SGO2: variants seen among roughly 807,000 people sequenced by gnomAD.
The protein encoded by SGO2 is shugoshin-like 2.
Under a neutral mutation model 99.5 loss-of-function variants are expected in SGO2, and 68 were observed. The ratio of observed to expected loss-of-function variants is 0.68; its 90% CI spans 0.56 to 0.84. The LOEUF is 0.84. Ranked by LOEUF, SGO2 falls within the 40% of genes least tolerant of loss-of-function variation. The pLI is 0.00. For missense variants in SGO2, 1,350 were observed against 1,436.7 expected (o/e 0.94, Z 0.97); for synonymous variants, 457 against 487.1 (o/e 0.94, Z 0.81).
chr2:200,578,955 C>T (rs1052968068), intron 8 of SGO2, among the ~76,000 whole-genome samples: 2 of 152,096 alleles, frequency 1.3e-5, no homozygotes, highest in African/African-American at 4.8e-5. Flanking sequence ...AGGTATTTCT[C>T]TTTTATGGGA....
rs542304485 is a variant in SGO2 at position 200,573,010 on chromosome 2, G to A, written c.2664G>A (p.Lys888=). 2 of 1,573,626 alleles carry A rather than the reference G, an allele frequency of 1.3e-6. No individual in the cohort carries two copies. Among genetic ancestry groups the A allele is most frequent in the Non-Finnish European group, 1.7e-6 (2 of 1,166,034 alleles). ...CCCAGAATATATTGGAGTTGAAAAAGTATGTTACTGATAGGAAATCTGCTG... is the reference window on the plus strand; with the variant it reads ...CCCAGAATATATTGGAGTTGAAAAAATATGTTACTGATAGGAAATCTGCTG... ...YDTQNILELK[K]YVTDRKSAEQ... is the part of the protein sequence containing the mutation. Residue 888 remains lysine (K), a synonymous_variant, in exon 7 of 9, where the codon AAG becomes AAA. Transcript: ENST00000357799.
intron 5 of SGO2, chr2:200,543,363 C>G (rs1292575752): frequency 6.6e-6 from 1 of 152,140 alleles, no homozygotes; most frequent in Non-Finnish European, 1.5e-5. Flanking sequence ...GTGCACAATT[C>G]TCATTTTTTA....
Position 200,554,122 on chromosome 2 carries a change from A to G in SGO2, c.473+11458A>G, listed in dbSNP as rs1007790370. On this transcript the variant is annotated intron_variant, in intron 5 of 8. Transcript: ENST00000357799. ...ATTGCCATCAATTAAGAATATTCAC[A>G]ACTAGTTTTCAAATTCTAGAGAAAT... 4.6e-5 allele frequency among the ~76,000 whole-genome samples: 7 copies of G among 152,232 alleles called. No individual in the cohort carries two copies. The South Asian group carries it at 1.4e-3, about 31-fold the overall frequency.
intron 5 of SGO2, among the ~76,000 whole-genome samples, chr2:200,564,273 T>C (rs943180359): frequency 1.3e-5 from 2 of 152,228 alleles, no homozygotes; most frequent in Non-Finnish European, 2.9e-5. Context: ...TTTGTTGTCA[T>C]TGGTTTCATA....
In SGO2 at chr2:200,571,053, GC is replaced by G; in HGVS notation, c.709del (p.His237IlefsTer12). The G allele has an allele frequency of 6.5e-7, 1 of 1,545,114 alleles. No individual in the cohort carries two copies. Among genetic ancestry groups the G allele is most frequent in the East Asian group, 2.3e-5 (1 of 43,888 alleles). On this transcript the variant is annotated frameshift_variant, in exon 7 of 9. Coordinates refer to ENST00000357799, the MANE Select transcript of SGO2 (RefSeq NM_152524.6). LOFTEE classifies it high-confidence loss of function. ...SSIVDVPPRE[S>X]HSHSDQSSKT... ...TTTGTTTTCCTTTTCTTAATAGAAA[GC>G]CATTCCCACTCAGACCAAAGTTCTA...
At chr2:200,536,791 G>A (rs966765360) in intron 4 of SGO2, among the ~76,000 whole-genome samples, 1 of 152,050 alleles carries the variant, frequency 6.6e-6, no homozygotes, top group Non-Finnish European at 1.5e-5. Flanking sequence ...ACTAAGTGGG[G>A]CAGGTGATGG....
intron 8 of SGO2, among the ~76,000 whole-genome samples, chr2:200,577,432 T>A (rs1054655612): frequency 6.6e-6 from 1 of 152,228 alleles, no homozygotes. Flanking sequence ...TTTAGACTTA[T>A]GGTAAAGTTG....
At chr2:200,580,620 C>G (rs897824457) in intron 8 of SGO2, 1 of 287,850 alleles carries the variant, frequency 3.5e-6, no homozygotes, top group East Asian at 1.4e-4. Flanking sequence ...TCACTTGAGC[C>G]CAAGAGTCGG....
At chr2:200,526,160 C>A (rs2031066648), upstream of SGO2, 1 of 152,322 alleles carries the variant, frequency 6.6e-6, no homozygotes, top group Admixed American at 6.5e-5. The surrounding 1 kb of genome is among the most constrained non-coding windows in gnomAD (Gnocchi z 4.8). Context: ...ATGGGGCAAC[C>A]GCCAACGGCT....
intron 5 of SGO2, among the ~76,000 whole-genome samples, chr2:200,556,415 A>G (rs559686576): frequency 2.5e-4 from 38 of 152,372 alleles, no homozygotes; most frequent in African/African-American, 8.2e-4. Context: ...AGGTGAAACC[A>G]ATAAGCCTAA....
rs563937977 is a variant in SGO2 at position 200,532,287 on chromosome 2, T to G, written c.-2-687T>G. On this transcript the variant is annotated intron_variant, in intron 1 of 8. Coordinates refer to ENST00000357799, the MANE Select transcript of SGO2 (RefSeq NM_152524.6). The stretch of plus-strand genomic sequence containing the variant: ...AGAGTTTTTTGTTTTTTTTTTTGTT[T>G]TTTTTTTTTTTTCAGATCTCTTCAG... 5,435 of 504,788 alleles carry G rather than the reference T, an allele frequency of 0.011. 402 individuals carry two copies. The African/African-American group carries it at 0.11, about 11-fold the overall frequency. The allele number at this position is 504,788 out of a possible 1,614,324, so 31.3% of individuals were successfully genotyped here.
rs529842397 is a variant in SGO2 at position 200,567,063 on chromosome 2, C to G, written c.474-2600C>G. Among the ~76,000 whole-genome samples the G allele has an allele frequency of 4.6e-5, 7 of 152,344 alleles. No individual in the cohort carries two copies. In the South Asian group the frequency reaches 1.5e-3, roughly 32 times the overall value. ...AGTGCTTCAGTTCACACTCCGTGGG[C>G]TGCACCCACTGTCCTGTACCAACTC... On this transcript the variant is annotated intron_variant, in intron 5 of 8. Coordinates refer to ENST00000357799, the MANE Select transcript of SGO2 (RefSeq NM_152524.6).
chr2:200,553,168 G>T lies in SGO2; in HGVS notation c.473+10504G>T, dbSNP rs371429949. 2.6e-5 allele frequency among the ~76,000 whole-genome samples: 4 copies of T among 152,318 alleles called. No homozygotes were observed. The East Asian group carries it at 5.8e-4, about 22-fold the overall frequency. On this transcript the variant is annotated intron_variant, in intron 5 of 8. Transcript: ENST00000357799. ...TTCTGACAAAAGGTGATACCTGGAA[G>T]ATTAATAAGTGCACCATTTCGGAAA...
intron 8 of SGO2, chr2:200,580,426 T>C: frequency 2.5e-6 from 1 of 397,482 alleles, no homozygotes; most frequent in South Asian, 1.8e-5. Flanking sequence ...TCTACTTCAC[T>C]GACTTCTGCT....
intron 5 of SGO2, among the ~76,000 whole-genome samples, chr2:200,553,401 A>G (rs1422188907): frequency 6.6e-6 from 1 of 152,224 alleles, no homozygotes; most frequent in African/African-American, 2.4e-5. Flanking sequence ...TGAGATTTCT[A>G]CATTACCTAT....
At chr2:200,528,316 C>T (rs980979109) in intron 1 of SGO2, among the ~76,000 whole-genome samples, 2 of 152,044 alleles carry the variant, frequency 1.3e-5, no homozygotes, top group South Asian at 2.1e-4. Context: ...ACACCATTCA[C>T]GTAGCTATAG....
intron 8 of SGO2, among the ~76,000 whole-genome samples, chr2:200,576,341 T>C (rs936606852): frequency 1.3e-5 from 2 of 151,904 alleles, no homozygotes; most frequent in Non-Finnish European, 2.9e-5. Flanking sequence ...TGTGGGAGGC[T>C]GAGGCAGGTG....
intron 4 of SGO2, among the ~76,000 whole-genome samples, chr2:200,538,129 C>A (rs1361568455): frequency 1.3e-5 from 2 of 152,102 alleles, no homozygotes; most frequent in African/African-American, 4.8e-5. Context: ...TTATAACAGC[C>A]AGAGTGATGC....
At chr2:200,564,844 T>C (rs2033123282) in intron 5 of SGO2, among the ~76,000 whole-genome samples, 1 of 152,198 alleles carries the variant, frequency 6.6e-6, no homozygotes, top group Non-Finnish European at 1.5e-5. Flanking sequence ...TTGATCTTTG[T>C]TGGTTTAAAG....
Sources: allele counts gnomAD v4.1 joint callset (sites outside exome capture counted in the v4.1 genomes callset), GRCh38; gene constraint gnomAD v4.1.1; non-coding constraint Gnocchi (gnomAD v3.1); transcripts MANE v1.5; gene names NCBI Gene and HGNC (gene_info 2026-07-23, HGNC 2026-07-21).